PPP2R3A: variants seen among roughly 807,000 people sequenced by gnomAD.
PPP2R3A encodes serine/threonine-protein phosphatase 2A regulatory subunit B'' subunit alpha.
PPP2R3A carries 80 observed loss-of-function variants against 106.9 expected under a neutral mutation model. The observed-to-expected ratio is 0.75, with a 90% CI of 0.62 to 0.90. The LOEUF (loss-of-function observed/expected upper bound fraction) is 0.90. Among genes scored for constraint, PPP2R3A ranks in the 40% least tolerant of loss-of-function variants. The pLI is 0.00. For synonymous variants in PPP2R3A, 483 were observed against 468.3 expected (o/e 1.03, Z -0.41); for missense variants, 1,386 against 1,350.4 (o/e 1.03, Z -0.41).
intron 13 of PPP2R3A, among the ~76,000 whole-genome samples, chr3:136,124,792 A>C (rs1018355520): frequency 2.6e-5 from 4 of 152,136 alleles, no homozygotes; most frequent in Admixed American, 2.6e-4. Context: ...GTATAAATTA[A>C]CAGTATCAGG....
intron 5 of PPP2R3A, among the ~76,000 whole-genome samples, chr3:136,064,186 A>C (rs903320593): frequency 6.8e-6 from 1 of 147,472 alleles, no homozygotes; most frequent in African/African-American, 2.5e-5. Flanking sequence ...CAAACACCGC[A>C]TGTTCTCACT....
chr3:135,994,227 A>T (rs1043217185), intron 1 of PPP2R3A, among the ~76,000 whole-genome samples: 3 of 152,178 alleles, frequency 2.0e-5, no homozygotes, highest in African/African-American at 7.2e-5. Flanking sequence ...AAGATTCTTT[A>T]ATCCACAGTG....
chr3:136,105,208 G>A (rs1042550513), intron 12 of PPP2R3A, among the ~76,000 whole-genome samples: 2 of 152,230 alleles, frequency 1.3e-5, no homozygotes, highest in African/African-American at 2.4e-5. Context: ...ATTTGCCAGC[G>A]AATGGGGGCT....
At chr3:135,967,675 A>G (rs1195476162) in intron 1 of PPP2R3A, among the ~76,000 whole-genome samples, 2 of 152,138 alleles carry the variant, frequency 1.3e-5, no homozygotes, top group African/African-American at 4.8e-5. Flanking sequence ...TACCTTTCAA[A>G]CACACAGCTG....
At chr3:136,047,279 G>A (rs552689952) in intron 4 of PPP2R3A, among the ~76,000 whole-genome samples, 5 of 152,268 alleles carry the variant, frequency 3.3e-5, no homozygotes, top group African/African-American at 1.2e-4. Context: ...CAATCCAGTA[G>A]TTCTATTACT....
At chr3:135,997,603 A>G (rs1391408382) in intron 1 of PPP2R3A, among the ~76,000 whole-genome samples, 2 of 152,188 alleles carry the variant, frequency 1.3e-5, no homozygotes, top group Admixed American at 6.5e-5. Flanking sequence ...TAGATATTCC[A>G]CAGGTACCTC....
intron 1 of PPP2R3A, among the ~76,000 whole-genome samples, chr3:135,999,689 T>G (rs921290344): frequency 6.6e-6 from 1 of 152,190 alleles, no homozygotes; most frequent in African/African-American, 2.4e-5. Flanking sequence ...TGATTCGTTC[T>G]TTTAAGTCTT....
chr3:136,069,105 A>C (rs1392017514), intron 5 of PPP2R3A, among the ~76,000 whole-genome samples: 1 of 152,238 alleles, frequency 6.6e-6, no homozygotes, highest in African/African-American at 2.4e-5. Flanking sequence ...ATCCTGGAAC[A>C]GAAAAAGACA....
intron 2 of PPP2R3A, among the ~76,000 whole-genome samples, chr3:136,005,370 G>A (rs565283578): frequency 6.6e-6 from 1 of 152,274 alleles, no homozygotes; most frequent in Non-Finnish European, 1.5e-5. Flanking sequence ...CAGTCTGTAT[G>A]TTTTGTGGCT....
intron 8 of PPP2R3A, among the ~76,000 whole-genome samples, chr3:136,085,387 G>A (rs568727954): frequency 3.2e-4 from 49 of 152,280 alleles, no homozygotes; most frequent in Admixed American, 9.1e-4. Context: ...GGAACTGTGA[G>A]TCCATTAAAC....
intron 13 of PPP2R3A, among the ~76,000 whole-genome samples, chr3:136,131,929 G>GC (rs1559937844): frequency 6.8e-6 from 1 of 147,224 alleles, no homozygotes. Flanking sequence ...ACCAAACACC[G>GC]CATGTTCTCA....
chr3:136,033,271 A>T (rs1307121287), intron 3 of PPP2R3A, among the ~76,000 whole-genome samples: 1 of 152,198 alleles, frequency 6.6e-6, no homozygotes, highest in Non-Finnish European at 1.5e-5. Context: ...TGTTAGATTC[A>T]GTTAGCTAGT....
chr3:136,039,574 A>G (rs1576454126), intron 3 of PPP2R3A, among the ~76,000 whole-genome samples: 1 of 152,016 alleles, frequency 6.6e-6, no homozygotes, highest in East Asian at 1.9e-4. Context: ...TGCACAGTTC[A>G]CGATAGGGTT....
At position 135,965,842 on chromosome 3, in the gene PPP2R3A, GCAACGAGGT is replaced by G. The variant is rs1483157392; in HGVS notation, c.-447_-441+2del. Reference sequence around the variant, plus strand: ...TGAGCCGCCGGAGGAGGAGCCGCGGGCAACGAGGTAGGCAAAGGAACACTGGCCGCACGG... The same window carrying G: ...TGAGCCGCCGGAGGAGGAGCCGCGGGAGGCAAAGGAACACTGGCCGCACGG... On this transcript the variant is annotated splice_donor_variant and 5_prime_UTR_variant, in exon 1 of 14. Coordinates refer to ENST00000264977, the MANE Select transcript of PPP2R3A (RefSeq NM_002718.5). LOFTEE classifies it low-confidence loss of function (5UTR_SPLICE). The G allele has an allele frequency of 6.6e-6, 1 of 152,114 alleles. No individual in the cohort carries two copies. Among genetic ancestry groups the G allele is most frequent in the African/African-American group, 2.4e-5 (1 of 41,408 alleles). 9.4% of individuals were successfully genotyped at this position (152,114 alleles called of 1,614,324 possible).
intron 13 of PPP2R3A, among the ~76,000 whole-genome samples, chr3:136,135,036 ATAAT>A (rs1403553967): frequency 2.8e-4 from 42 of 152,224 alleles, no homozygotes; most frequent in South Asian, 4.1e-4. Flanking sequence ...AAGAGAATAA[ATAAT>A]TGGCTCAAGC....
At chr3:135,977,848 AGCCACCACT>A (rs993186885) in intron 1 of PPP2R3A, among the ~76,000 whole-genome samples, 4 of 151,724 alleles carry the variant, frequency 2.6e-5, no homozygotes, top group African/African-American at 9.7e-5. Context: ...TATAGGTGTG[AGCCACCACT>A]GCCCGGCTAA....
chr3:136,023,533 T>C (rs1934536734), intron 2 of PPP2R3A, among the ~76,000 whole-genome samples: 1 of 152,144 alleles, frequency 6.6e-6, no homozygotes, highest in Non-Finnish European at 1.5e-5. Flanking sequence ...CCAGAATTTT[T>C]CATAGAAATA....
chr3:135,993,261 A>G (rs1388172804), intron 1 of PPP2R3A, among the ~76,000 whole-genome samples: 1 of 152,196 alleles, frequency 6.6e-6, no homozygotes, highest in Non-Finnish European at 1.5e-5. Context: ...CTGGATAGAC[A>G]CTTCACAAAA....
At chr3:136,074,605 A>C (rs1023156398) in intron 6 of PPP2R3A, among the ~76,000 whole-genome samples, 3 of 152,248 alleles carry the variant, frequency 2.0e-5, no homozygotes, top group African/African-American at 7.2e-5. Context: ...TTTTAAAATA[A>C]GCGATGAGAT....
Sources: gnomAD v4.1 joint callset for allele counts (sites outside exome capture counted in the v4.1 genomes callset) on GRCh38, gnomAD v4.1.1 for gene constraint, MANE v1.5 for transcripts, NCBI Gene and HGNC (gene_info 2026-07-23, HGNC 2026-07-21) for gene names.